NBPF11: variants seen among roughly 807,000 people sequenced by gnomAD.
NBPF11 encodes the protein NBPF family member NBPF11.
NBPF11 carries 72 observed loss-of-function variants against 93.9 expected under a neutral mutation model. The observed-to-expected ratio is 0.77, with a 90% CI of 0.63 to 0.93. The LOEUF is 0.93. NBPF11 is among the 40% of genes least tolerant of loss of function. The pLI is 0.00. For missense variants in NBPF11, 705 were observed against 802.2 expected, an observed-to-expected ratio of 0.88 and a Z score of 1.46; for synonymous variants, 224 against 304.9, an observed-to-expected ratio of 0.73 and a Z score of 2.76.
rs1175313067 is a variant in NBPF11 at position 148,118,663 on chromosome 1, C to T, written c.1048G>A (p.Glu350Lys). The change falls in exon 11 of 24, where the codon GAG (glutamate) becomes AAG (lysine). Residue 350 changes from glutamate to lysine, a missense_variant. Glu to Lys is a moderately conservative substitution (Grantham distance 56). This residue lies in a region of NBPF11 where 262 missense variants were observed against 223.1 expected (regional missense o/e 1.17). Transcript: ENST00000682118. ...TTCAGCTGCTCTGCAAGCTTCTCCT[C>T]CTTGAACTGTCGCTCATTCCTCAGC... is the stretch of plus-strand genomic sequence containing the variant. ...SMLRNERQFKEEKLAEQLKQA... is the reference protein window; with the variant it reads ...SMLRNERQFKKEKLAEQLKQA... The T allele has an allele frequency of 2.1e-4, 340 of 1,613,216 alleles. No homozygotes were observed. The highest frequency in any genetic ancestry group is 1.2e-3 in the Admixed American group (70 of 60,024).
intron 1 of NBPF11, chr1:148,149,436 A>G (rs1282074300): frequency 6.3e-7 from 1 of 1,583,774 alleles, no homozygotes; most frequent in Admixed American, 1.7e-5. Context: ...GCGCTCTACG[A>G]GCGCTGCCCC....
At chr1:148,138,295 G>A (rs1671660472) in intron 2 of NBPF11, among the ~76,000 whole-genome samples, 1 of 150,916 alleles carries the variant, frequency 6.6e-6, no homozygotes. Context: ...CATTGCCCAG[G>A]GATGAGCAGG....
chr1:148,121,728 G>A (rs1667914554), intron 9 of NBPF11, among the ~76,000 whole-genome samples: 2 of 151,940 alleles, frequency 1.3e-5, no homozygotes, highest in African/African-American at 2.4e-5. Context: ...AATGAGGGTG[G>A]GAGGATCATC....
At position 148,139,256 on chromosome 1, in the gene NBPF11, A is replaced by G. The variant is rs1192207553; in HGVS notation, c.-276-1447T>C. 2.0e-5 allele frequency among the ~76,000 whole-genome samples: 3 copies of G among 149,534 alleles called. 1 individual carries two copies. Among genetic ancestry groups the G allele is most frequent in the Admixed American group, 1.3e-4 (2 of 15,048 alleles). On this transcript the variant is annotated intron_variant, in intron 2 of 23. Transcript: ENST00000682118. ...AAATACCAGTCACCAGCACAGAAGA[A>G]CCAATTCAAGGAGAGCCATAAACAG... is the stretch of plus-strand genomic sequence containing the variant.
intron 15 of NBPF11, among the ~76,000 whole-genome samples, chr1:148,111,095 G>T (rs1665148467): frequency 6.6e-6 from 1 of 151,652 alleles, no homozygotes. Context: ...GCGACACCAA[G>T]AAATCTCTGT....
chr1:148,139,178 A>G (rs1671809959), intron 2 of NBPF11, among the ~76,000 whole-genome samples: 1 of 151,650 alleles, frequency 6.6e-6, no homozygotes, highest in South Asian at 2.1e-4. Context: ...CAATTTTAAT[A>G]GGAGATTTTA....
Position 148,126,926 on chromosome 1 carries a change from G to A in NBPF11, c.78C>T (p.Pro26=). The A allele has an allele frequency of 1.7e-6, 2 of 1,153,402 alleles. No homozygotes were observed. The highest frequency in any genetic ancestry group is 1.8e-5 in the Admixed American group (1 of 56,478). The allele number at this position is 1,153,402 out of a possible 1,614,324, so 71.4% of individuals were successfully genotyped here. Residue 26 remains proline, a synonymous_variant, in exon 5 of 24, where the codon CCC becomes CCT. Transcript: ENST00000682118. ...NILEINEKLR[P]QLAENKQQFR... ...ACTGCTGTTTGTTCTCTGCCAACTG[G>A]GGGCGCAATTTCTCGTTGATTTCTA...
At chr1:148,108,976 G>A (rs1228163248) in intron 17 of NBPF11, among the ~76,000 whole-genome samples, 8 of 151,186 alleles carry the variant, frequency 5.3e-5, no homozygotes, top group African/African-American at 9.8e-5. Flanking sequence ...GACACACAGT[G>A]AACAGTGATC....
chr1:148,130,737 C>T lies in NBPF11; in HGVS notation c.-35-3699G>A, dbSNP rs1162017677. On this transcript the variant is annotated intron_variant, in intron 4 of 23. Transcript: ENST00000682118. Reference sequence around the variant, plus strand: ...AATGGATGCACTAACGGAACTACTGCCACAACCAAGATAGAGGAAATTCCC... The same window carrying T: ...AATGGATGCACTAACGGAACTACTGTCACAACCAAGATAGAGGAAATTCCC... 8.8e-4 allele frequency among the ~76,000 whole-genome samples: 134 copies of T among 151,878 alleles called. 4 individuals are homozygous for T. The highest frequency in any genetic ancestry group is 3.1e-3 in the African/African-American group (129 of 41,214).
chr1:148,129,411 C>T lies in NBPF11; in HGVS notation c.-35-2373G>A, dbSNP rs1441543080. The T allele has an allele frequency of 4.0e-4, 60 of 151,390 alleles. 4 individuals carry two copies. Among genetic ancestry groups the T allele is most frequent in the African/African-American group, 1.4e-3 (56 of 40,870 alleles). The allele number at this position is 151,390 out of a possible 1,614,324, so 9.4% of individuals were successfully genotyped here. On this transcript the variant is annotated intron_variant, in intron 4 of 23. Transcript: ENST00000682118. ...GACAGCACCTGCATCGAGCTCTCCG[C>T]CTCCCCCACCCGCCAGCCCAGGCGG...
rs1273374160 is a variant in NBPF11 at position 148,108,592 on chromosome 1, C to T, written c.1916G>A (p.Cys639Tyr). Residue 639 changes from cysteine to tyrosine, a missense_variant, in exon 18 of 24, where the codon TGT (cysteine) becomes TAT (tyrosine). Transcript: ENST00000682118. ...AAGATAAACTGAAGGAGTTGAATAA[C>T]ATCTATCCAGTGAGTCCTGCAAGAC... ...PEVLQDSLDR[C>Y]YSTPSVYLGL... The T allele has an allele frequency of 2.6e-6, 4 of 1,565,110 alleles. No homozygotes were observed. Among genetic ancestry groups the T allele is most frequent in the Admixed American group, 1.7e-5 (1 of 59,890 alleles).
chr1:148,136,709 G>T (rs1205150621), intron 3 of NBPF11, among the ~76,000 whole-genome samples: 2 of 151,800 alleles, frequency 1.3e-5, no homozygotes, highest in African/African-American at 2.4e-5. Flanking sequence ...CCCTCATTTT[G>T]AACTAGAATC....
At position 148,146,606 on chromosome 1, in the gene NBPF11, C is replaced by G. The variant is rs1426984189; in HGVS notation, c.-548-2920G>C. The G allele has an allele frequency of 8.1e-6, 13 of 1,610,284 alleles. 1 individual carries two copies. The highest frequency in any genetic ancestry group is 4.0e-5 in the African/African-American group (3 of 74,842). ...CCCGGGCGCTGGAAGCTGCACCTGA[C>G]GGAGCGTGCCGACTTCCAGTACAGC... On this transcript the variant is annotated intron_variant, in intron 1 of 23. Transcript: ENST00000682118.
At chr1:148,149,488 C>A (rs1315030860) in intron 1 of NBPF11, 20 of 1,592,318 alleles carry the variant, frequency 1.3e-5, no homozygotes, top group Non-Finnish European at 1.6e-5. Context: ...CCGGGCACAA[C>A]GACATCGAGC....
chr1:148,147,958 T>C (rs1673464104), intron 1 of NBPF11, among the ~76,000 whole-genome samples: 2 of 151,920 alleles, frequency 1.3e-5, no homozygotes, highest in Non-Finnish European at 2.9e-5. Flanking sequence ...CCCAGAGCCA[T>C]GAGGGGGAGG....
At position 148,120,766 on chromosome 1, in the gene NBPF11, G is replaced by C. The variant is rs1299035569; in HGVS notation, c.779-56C>G. 3,133 of 1,232,320 alleles carry C rather than the reference G, an allele frequency of 2.5e-3. 111 individuals carry two copies. The African/African-American group carries it at 0.042, about 16-fold the overall frequency. The allele number at this position is 1,232,320 out of a possible 1,614,324, so 76.3% of individuals were successfully genotyped here. A position where few individuals can be genotyped will look rare whatever the true frequency, so the allele number is the denominator to read the frequency against. On this transcript the variant is annotated intron_variant, in intron 9 of 23. Transcript: ENST00000682118. ...GTTAAAAACTGGTGAAATCAAATAGGCTTAATCAGGACTGAGGGATGTCAC... is the reference window on the plus strand; with the variant it reads ...GTTAAAAACTGGTGAAATCAAATAGCCTTAATCAGGACTGAGGGATGTCAC...
chr1:148,148,910 G>A (rs1647453868), intron 1 of NBPF11, among the ~76,000 whole-genome samples: 1 of 151,438 alleles, frequency 6.6e-6, no homozygotes. Flanking sequence ...GATCCCTGCA[G>A]ATCCTAGCTA....
chr1:148,134,470 C>T (rs1180559553), intron 4 of NBPF11, among the ~76,000 whole-genome samples: 1 of 147,164 alleles, frequency 6.8e-6, no homozygotes, highest in East Asian at 2.0e-4. Context: ...TGGCGTAAGA[C>T]AGGATGGAAA....
Position 148,122,751 on chromosome 1 carries a change from C to T in NBPF11, c.544G>A (p.Val182Ile), listed in dbSNP as rs1158716452. Residue 182 changes from valine to isoleucine, a missense_variant, in exon 8 of 24, where the codon GTA becomes ATA. Val to Ile is a conservative substitution (Grantham distance 29). Transcript: ENST00000682118. ...TACCTGGGGGCAGATGATTCCAGTA[C>T]TTTCTCATCCTCCTCAACTTGAACA... Reference protein sequence around the residue: ...EDVQVEEDEKVLESSAPREVQ... With the variant: ...EDVQVEEDEKILESSAPREVQ... 8.1e-6 allele frequency: 13 copies of T among 1,609,484 alleles called. No individual in the cohort carries two copies. The highest frequency in any genetic ancestry group is 1.3e-5 in the African/African-American group (1 of 74,640).
Sources: gnomAD v4.1 joint callset for allele counts (sites outside exome capture counted in the v4.1 genomes callset) on GRCh38, gnomAD v4.1.1 for gene constraint, gnomAD v4.1.1 regional missense constraint, MANE v1.5 for transcripts, NCBI Gene and HGNC (gene_info 2026-07-23, HGNC 2026-07-21) for gene names.